The following PHLPP1 variants were observed in gnomAD, a reference collection of about 807,000 sequenced individuals.
The protein encoded by PHLPP1 is PH domain and leucine rich repeat protein phosphatase 1, also known as PH domain leucine-rich repeat-containing protein phosphatase 1.
PHLPP1 carries 42 observed loss-of-function variants against 117.2 expected under a neutral mutation model. The observed-to-expected ratio is 0.36, with a 90% CI of 0.28 to 0.46. The LOEUF (loss-of-function observed/expected upper bound fraction) is 0.46, where lower values mean the gene tolerates loss of function less well. PHLPP1 is among the 20% of genes least tolerant of loss of function. The pLI, the probability that PHLPP1 is intolerant of heterozygous loss-of-function variation, is 1.00. For missense variants in PHLPP1, 2,084 were observed against 2,241.9 expected (o/e 0.93, Z 1.42); for synonymous variants, 1,042 against 970.7 (o/e 1.07, Z -1.37).
At chr18:62,898,143 TTAA>T (rs1220752997) in intron 6 of PHLPP1, among the ~76,000 whole-genome samples, 1 of 150,078 alleles carries the variant, frequency 6.7e-6, no homozygotes, top group Admixed American at 6.7e-5. Context: ...CATCTTGATG[TTAA>T]TCATTCCCCA....
chr18:62,728,743 G>A (rs576837136), intron 1 of PHLPP1, among the ~76,000 whole-genome samples: 36 of 152,126 alleles, frequency 2.4e-4, no homozygotes, highest in African/African-American at 8.7e-4. Flanking sequence ...TCCTGACTTC[G>A]TGATCTGCCC....
chr18:62,809,850 A>G (rs999853814), intron 1 of PHLPP1, among the ~76,000 whole-genome samples: 6 of 152,342 alleles, frequency 3.9e-5, no homozygotes, highest in Non-Finnish European at 7.4e-5. Context: ...GTGTTTTACA[A>G]TGAATATGCG....
chr18:62,886,546 G>A (rs960456758), intron 4 of PHLPP1, among the ~76,000 whole-genome samples: 3 of 152,218 alleles, frequency 2.0e-5, no homozygotes, highest in Admixed American at 1.3e-4. Context: ...AAGTGCTGGG[G>A]TTACAGGTGT....
chr18:62,837,551 T>C (rs1346008514), intron 2 of PHLPP1: 1 of 152,174 alleles, frequency 6.6e-6, no homozygotes, highest in Non-Finnish European at 1.5e-5. Flanking sequence ...ATCAGTATTT[T>C]GCTTTGTTAA....
intron 1 of PHLPP1, among the ~76,000 whole-genome samples, chr18:62,785,084 T>G (rs1913239603): frequency 6.6e-6 from 1 of 152,188 alleles, no homozygotes; most frequent in African/African-American, 2.4e-5. Context: ...GGACTGTAAT[T>G]GATGTATTGT....
chr18:62,972,837 T>C (rs923711540), intron 15 of PHLPP1, 129 bp downstream of exon 15: 10 of 692,952 alleles, frequency 1.4e-5, no homozygotes, highest in African/African-American at 3.6e-5. Context: ...CCAAGATGCA[T>C]TCAGGCAAGT....
intron 3 of PHLPP1, among the ~76,000 whole-genome samples, chr18:62,857,864 T>C (rs1252650465): frequency 1.3e-5 from 2 of 152,206 alleles, no homozygotes; most frequent in Non-Finnish European, 2.9e-5. Flanking sequence ...CCACACACCA[T>C]TAAGTAGATT....
chr18:62,840,637 C>T (rs1195912404), intron 3 of PHLPP1, among the ~76,000 whole-genome samples: 1 of 152,174 alleles, frequency 6.6e-6, no homozygotes, highest in Non-Finnish European at 1.5e-5. Context: ...AAATGCCTAA[C>T]TAGGATCAAA....
At chr18:62,809,705 A>C (rs973331286) in intron 1 of PHLPP1, among the ~76,000 whole-genome samples, 1 of 152,170 alleles carries the variant, frequency 6.6e-6, no homozygotes, top group Non-Finnish European at 1.5e-5. Context: ...CATCTCAAAA[A>C]AAAAAAAGTC....
chr18:62,820,175 A>G (rs2144320404), intron 1 of PHLPP1, among the ~76,000 whole-genome samples: 1 of 152,336 alleles, frequency 6.6e-6, no homozygotes, highest in African/African-American at 2.4e-5. Flanking sequence ...ATGCACCTAA[A>G]TAGAACTTCA....
chr18:62,947,464 ATGT>A (rs1004412623), intron 12 of PHLPP1, among the ~76,000 whole-genome samples: 1 of 152,344 alleles, frequency 6.6e-6, no homozygotes, highest in South Asian at 2.1e-4. Flanking sequence ...CACAGGAAAG[ATGT>A]TGTCAGCTAG....
chr18:62,786,288 T>C (rs140166985), intron 1 of PHLPP1, among the ~76,000 whole-genome samples: 57 of 152,362 alleles, frequency 3.7e-4, no homozygotes, highest in Non-Finnish European at 7.6e-4. Context: ...AGTCTGATGC[T>C]TCCCATATCT....
intron 1 of PHLPP1, among the ~76,000 whole-genome samples, chr18:62,807,404 C>G (rs539471256): frequency 1.3e-5 from 2 of 152,222 alleles, no homozygotes; most frequent in African/African-American, 2.4e-5. Flanking sequence ...AGTATTTGCT[C>G]TAAGGCTTAT....
At chr18:62,973,001 T>C (rs1480537300) in intron 15 of PHLPP1, among the ~76,000 whole-genome samples, 1 of 152,190 alleles carries the variant, frequency 6.6e-6, no homozygotes, top group Admixed American at 6.5e-5. Flanking sequence ...CATCAGATTG[T>C]TTGCAATGCC....
intron 1 of PHLPP1, among the ~76,000 whole-genome samples, chr18:62,825,823 A>G (rs1487862937): frequency 1.3e-5 from 2 of 152,202 alleles, no homozygotes; most frequent in East Asian, 3.8e-4. Flanking sequence ...TTTATTGGAA[A>G]AAATGTCTAT....
intron 10 of PHLPP1, among the ~76,000 whole-genome samples, chr18:62,931,929 A>G (rs1909824787): frequency 6.6e-6 from 1 of 151,714 alleles, no homozygotes; most frequent in South Asian, 2.1e-4. Flanking sequence ...TGAAAATGAC[A>G]GAGATGAGAT....
Position 62,716,904 on chromosome 18 carries a change from C to G in PHLPP1, c.1221C>G (p.Pro407=). 1 of 1,532,488 alleles carries G rather than the reference C, an allele frequency of 6.5e-7. No homozygotes were observed. Among genetic ancestry groups the G allele is most frequent in the South Asian group, 1.2e-5 (1 of 83,716 alleles). The allele number at this position is 1,532,488 out of a possible 1,614,324, so 94.9% of individuals were successfully genotyped here. Residue 407 remains proline, a synonymous_variant, in exon 1 of 17, where the codon CCC becomes CCG. Coordinates refer to ENST00000262719, the MANE Select transcript of PHLPP1 (RefSeq NM_194449.4). The surrounding 1 kb of genome is among the most constrained non-coding windows in gnomAD (Gnocchi z 5.7). ...PGHPAQPLPL[P]QTASSPQPQQ... ...ACCCCGCGCAGCCCCTCCCGCTTCC[C>G]CAGACGGCTTCCTCGCCTCAGCCGC... is the stretch of plus-strand genomic sequence containing the variant.
rs1465313894 is a variant in PHLPP1 at position 62,898,963 on chromosome 18, T to A, written c.2444+2952T>A. ...ACAGGCGCCCATCACCATGACCGGC[T>A]AATTTTTTGTATTTTTAGTAGAGAC... On this transcript the variant is annotated intron_variant, in intron 6 of 16. Transcript: ENST00000262719. Among the ~76,000 whole-genome samples, 3 of 152,094 alleles carry A rather than the reference T, an allele frequency of 2.0e-5. No individual in the cohort carries two copies. In the East Asian group the frequency reaches 5.8e-4, roughly 29 times the overall value.
chr18:62,975,090 G>A (rs1209699185), intron 15 of PHLPP1, among the ~76,000 whole-genome samples: 1 of 152,206 alleles, frequency 6.6e-6, no homozygotes, highest in Admixed American at 6.5e-5. Context: ...TGTGGTTGAT[G>A]AGGGTAGCAG....
Sources: allele counts gnomAD v4.1 joint callset (sites outside exome capture counted in the v4.1 genomes callset), GRCh38; gene constraint gnomAD v4.1.1; non-coding constraint Gnocchi (gnomAD v3.1); transcripts MANE v1.5; gene names NCBI Gene and HGNC (gene_info 2026-07-23, HGNC 2026-07-21).